The following PRKG1 variants were observed in gnomAD, a reference collection of about 807,000 sequenced individuals.
PRKG1 encodes the protein protein kinase cGMP-dependent 1, also known as cGMP-dependent protein kinase 1.
In PRKG1, 35 loss-of-function variants were observed where a neutral mutation model predicts 88.1. The ratio of observed to expected loss-of-function variants is 0.40; its 90% CI spans 0.30 to 0.53. The LOEUF (loss-of-function observed/expected upper bound fraction) is 0.53, where lower values mean the gene tolerates loss of function less well. Ranked by LOEUF, PRKG1 falls within the 20% of genes least tolerant of loss-of-function variation. PRKG1 has a pLI of 0.59. For synonymous variants in PRKG1, 303 were observed against 292.5 expected (o/e 1.04, Z -0.37); for missense variants, 540 against 839.8 (o/e 0.64, Z 4.41).
chr10:51,119,738 A>G (rs1845216189), intron 1 of PRKG1, among the ~76,000 whole-genome samples: 2 of 152,092 alleles, frequency 1.3e-5, no homozygotes, highest in East Asian at 3.9e-4. Context: ...GATCATGTTG[A>G]TATACTTTAA....
intron 3 of PRKG1, among the ~76,000 whole-genome samples, chr10:51,617,868 T>C (rs998091005): frequency 2.6e-5 from 4 of 152,194 alleles, no homozygotes; most frequent in Non-Finnish European, 5.9e-5. Flanking sequence ...CATGCTTACA[T>C]GGTGGCAAAG....
chr10:51,090,212 A>T (rs776872631), intron 1 of PRKG1, among the ~76,000 whole-genome samples: 37 of 152,208 alleles, frequency 2.4e-4, no homozygotes, highest in Non-Finnish European at 3.7e-4. Flanking sequence ...TGAGGTTCTC[A>T]TTACTATCAT....
At chr10:51,306,847 A>G (rs1056182887) in intron 2 of PRKG1, 7 of 152,200 alleles carry the variant, frequency 4.6e-5, no homozygotes, top group Non-Finnish European at 8.8e-5. Context: ...CCTCTAAGGA[A>G]GTTGAGAATA....
chr10:51,955,162 G>C (rs1019559940), intron 5 of PRKG1, among the ~76,000 whole-genome samples: 1 of 152,026 alleles, frequency 6.6e-6, no homozygotes, highest in South Asian at 2.1e-4. Flanking sequence ...GCAGTATCCA[G>C]ATTTGTACCA....
Position 52,228,285 on chromosome 10 carries a change from GAAAAAAA to G in PRKG1, c.1077-23278_1077-23272del, listed in dbSNP as rs71947602. On this transcript the variant is annotated intron_variant, in intron 9 of 17. Coordinates refer to ENST00000373980, the MANE Select transcript of PRKG1 (RefSeq NM_006258.4). ...TTGGATTTTCAACAGGAAGTAAAAA[GAAAAAAA>G]AAAAAAGAAATGAAGAGGTCGCAGC... 3.0e-5 allele frequency among the ~76,000 whole-genome samples: 4 copies of G among 134,200 alleles called. No individual in the cohort carries two copies. The South Asian group carries it at 9.7e-4, about 33-fold the overall frequency. The allele number at this position is 134,200 out of a possible 152,430, so 88.0% of individuals were successfully genotyped here. A position where few individuals can be genotyped will look rare whatever the true frequency, so the allele number is the denominator to read the frequency against.
In PRKG1 at chr10:52,294,473, C is replaced by T. The variant is rs1239543452; in HGVS notation, c.*573C>T. ...TTTTATTTCCCAGCAGTGCTGATGA[C>T]AAGACTGAATGTTACCTTTTCTTTC... On this transcript the variant is annotated 3_prime_UTR_variant, in exon 18 of 18. Transcript: ENST00000373980. 1.3e-5 allele frequency: 2 copies of T among 152,490 alleles called. No individual in the cohort carries two copies. The highest frequency in any genetic ancestry group is 2.9e-5 in the Non-Finnish European group (2 of 68,036). The allele number at this position is 152,490 out of a possible 1,614,324, so 9.4% of individuals were successfully genotyped here.
intron 3 of PRKG1, among the ~76,000 whole-genome samples, chr10:51,629,944 G>GC (rs1839481653): frequency 6.6e-6 from 1 of 152,070 alleles, no homozygotes; most frequent in Non-Finnish European, 1.5e-5. Context: ...TTCACTCATC[G>GC]CCCCCATAAT....
At chr10:51,744,514 C>G (rs1837527573) in intron 3 of PRKG1, among the ~76,000 whole-genome samples, 1 of 152,166 alleles carries the variant, frequency 6.6e-6, no homozygotes, top group African/African-American at 2.4e-5. Context: ...CCCTATTTTA[C>G]CAAAATTTTC....
intron 2 of PRKG1, among the ~76,000 whole-genome samples, chr10:51,174,843 T>C (rs1837147861): frequency 6.6e-6 from 1 of 152,034 alleles, no homozygotes; most frequent in African/African-American, 2.4e-5. Context: ...TCCCTTCAAG[T>C]CTCACCTTTG....
intron 4 of PRKG1, among the ~76,000 whole-genome samples, chr10:51,809,288 G>GA (rs56821994): frequency 0.083 from 11,978 of 144,900 alleles, 1,195 homozygotes; most frequent in African/African-American, 0.23. Context: ...CCAGATCATA[G>GA]AAAAAAAAAA....
intron 1 of PRKG1, among the ~76,000 whole-genome samples, chr10:51,049,099 C>T (rs1843528047): frequency 6.6e-6 from 1 of 152,126 alleles, no homozygotes; most frequent in African/African-American, 2.4e-5. Context: ...GGAAGAGCTC[C>T]CGCGTCCCAC....
chr10:52,082,917 A>G (rs1273417671), intron 7 of PRKG1, among the ~76,000 whole-genome samples: 1 of 152,108 alleles, frequency 6.6e-6, no homozygotes, highest in African/African-American at 2.4e-5. Context: ...TTAGAGTAAT[A>G]ATGATATTTA....
chr10:51,089,943 C>A (rs1383653392), intron 1 of PRKG1, among the ~76,000 whole-genome samples: 4 of 152,182 alleles, frequency 2.6e-5, no homozygotes, highest in African/African-American at 9.7e-5. Flanking sequence ...CCTTGAGAAG[C>A]CACTGACTCC....
intron 2 of PRKG1, among the ~76,000 whole-genome samples, chr10:51,397,170 G>A (rs1837601567): frequency 6.8e-6 from 1 of 148,020 alleles, no homozygotes; most frequent in South Asian, 2.2e-4. Flanking sequence ...TTGTGCTCTG[G>A]GTGAGTGCTT....
intron 3 of PRKG1, among the ~76,000 whole-genome samples, chr10:51,689,649 C>T (rs1018558281): frequency 3.0e-4 from 45 of 152,230 alleles, no homozygotes; most frequent in African/African-American, 1.1e-3. Flanking sequence ...AATTGGGAGA[C>T]CATTTAAATT....
chr10:51,101,646 T>C (rs1467177600), intron 1 of PRKG1, among the ~76,000 whole-genome samples: 1 of 152,166 alleles, frequency 6.6e-6, no homozygotes, highest in Non-Finnish European at 1.5e-5. Flanking sequence ...AAATAATGAG[T>C]ATTTTTTATA....
chr10:51,527,713 G>A (rs557746731), intron 3 of PRKG1, among the ~76,000 whole-genome samples: 2 of 152,242 alleles, frequency 1.3e-5, no homozygotes, highest in East Asian at 1.9e-4. Flanking sequence ...CAAAGTTCCC[G>A]GGAATTGTAA....
chr10:51,578,069 G>A (rs1170321157), intron 3 of PRKG1, among the ~76,000 whole-genome samples: 3 of 152,028 alleles, frequency 2.0e-5, no homozygotes, highest in Admixed American at 2.0e-4. Context: ...GTAAGTTGTA[G>A]TCTATTAAAT....
intron 5 of PRKG1, among the ~76,000 whole-genome samples, chr10:51,965,133 G>A (rs1400646263): frequency 3.9e-5 from 6 of 152,082 alleles, no homozygotes; most frequent in Admixed American, 6.6e-5. Flanking sequence ...GGTTTGTTCC[G>A]TAGGTAAACT....
Sources: gnomAD v4.1 joint callset for allele counts (sites outside exome capture counted in the v4.1 genomes callset) on GRCh38, gnomAD v4.1.1 for gene constraint, MANE v1.5 for transcripts, NCBI Gene and HGNC (gene_info 2026-07-23, HGNC 2026-07-21) for gene names.